Variants in STK32B observed in about 807,000 individuals in gnomAD.
STK32B encodes serine/threonine-protein kinase 32B.
Under a neutral mutation model 52.6 loss-of-function variants are expected in STK32B, and 43 were observed. The observed-to-expected ratio is 0.82, with a 90% CI of 0.64 to 1.05. STK32B has a LOEUF of 1.05. Among genes scored for constraint, STK32B ranks in the 50% least tolerant of loss-of-function variants. The probability of loss-of-function intolerance (pLI) is 0.00; values close to 1 mark genes in which losing one functional copy is unlikely to be tolerated. For synonymous variants in STK32B, 238 were observed against 204.3 expected (o/e 1.17, Z -1.41); for missense variants, 621 against 534.6 (o/e 1.16, Z -1.59).
At chr4:5,316,248 A>ATATAT (rs1730703317) in intron 3 of STK32B, among the ~76,000 whole-genome samples, 1 of 72,222 alleles carries the variant, frequency 1.4e-5, no homozygotes, top group East Asian at 3.5e-4. Flanking sequence ...TATATATTGT[A>ATATAT]TATATAATAT....
At chr4:5,317,533 T>TTATA (rs1438485553) in intron 3 of STK32B, among the ~76,000 whole-genome samples, 2 of 100,756 alleles carry the variant, frequency 2.0e-5, no homozygotes, top group Non-Finnish European at 3.4e-5. Flanking sequence ...TATATATATA[T>TTATA]TACATGTATA....
Position 5,398,037 on chromosome 4 carries a change from A to C in STK32B, c.435-170A>C, listed in dbSNP as rs1362536043. ...GAAAGAGAAGAGGCGATAAGAACAC[A>C]GGTGTCCCATTATCTTACCAATTAT... On this transcript the variant is annotated intron_variant, in intron 4 of 11. Coordinates refer to ENST00000282908, the MANE Select transcript of STK32B (RefSeq NM_018401.3). The surrounding 1 kb of genome is among the most constrained non-coding windows in gnomAD (Gnocchi z 4.9). 1.3e-5 allele frequency among the ~76,000 whole-genome samples: 2 copies of C among 152,266 alleles called. No homozygotes were observed.
At chr4:5,267,490 A>G (rs746775247) in intron 3 of STK32B, among the ~76,000 whole-genome samples, 10 of 152,126 alleles carry the variant, frequency 6.6e-5, no homozygotes, top group Non-Finnish European at 1.3e-4. Context: ...CTGAGTAACA[A>G]CAGCTCCCCT....
At chr4:5,406,166 TA>T (rs201364858) in intron 5 of STK32B, among the ~76,000 whole-genome samples, 2,849 of 152,228 alleles carry the variant, frequency 0.019, 95 homozygotes, top group African/African-American at 0.064. Flanking sequence ...GGGCAGTCAT[TA>T]AATCTTAAAG....
chr4:5,388,653 G>A (rs1263223177), intron 4 of STK32B, among the ~76,000 whole-genome samples: 1 of 152,202 alleles, frequency 6.6e-6, no homozygotes. Context: ...TCAATTTAGT[G>A]TTCTAGTTGG....
intron 4 of STK32B, among the ~76,000 whole-genome samples, chr4:5,379,863 A>G (rs921431326): frequency 6.6e-6 from 1 of 152,204 alleles, no homozygotes; most frequent in Non-Finnish European, 1.5e-5. Context: ...GTGTTTTGAT[A>G]TAGCAGCATT....
chr4:5,265,849 G>A (rs907910717), intron 3 of STK32B, among the ~76,000 whole-genome samples: 27 of 151,998 alleles, frequency 1.8e-4, no homozygotes, highest in African/African-American at 6.3e-4. Flanking sequence ...ATAGCATTGT[G>A]TTGATTTTAA....
At chr4:5,168,547 G>C in intron 3 of STK32B, 97 bp downstream of exon 3, 1 of 1,382,040 alleles carries the variant, frequency 7.2e-7, no homozygotes, top group South Asian at 1.6e-5. Context: ...ATTGTAAAGG[G>C]AAAGGGATGC....
At chr4:5,262,216 C>A (rs939325245) in intron 3 of STK32B, among the ~76,000 whole-genome samples, 1 of 152,150 alleles carries the variant, frequency 6.6e-6, no homozygotes, top group Non-Finnish European at 1.5e-5. Context: ...GGTCCCATTG[C>A]CTGTCTGGAG....
At chr4:5,073,665 G>A (rs1291351295) in intron 1 of STK32B, among the ~76,000 whole-genome samples, 1 of 151,944 alleles carries the variant, frequency 6.6e-6, no homozygotes, top group Non-Finnish European at 1.5e-5. Flanking sequence ...GTACAGGCCT[G>A]CTAGGAACAA....
chr4:5,278,421 C>T (rs112787243), intron 3 of STK32B, among the ~76,000 whole-genome samples: 4 of 152,016 alleles, frequency 2.6e-5, no homozygotes, highest in African/African-American at 9.7e-5. Context: ...GACCTTGGGC[C>T]CTTGTGAGAC....
chr4:5,195,240 A>G (rs186729265), intron 3 of STK32B, among the ~76,000 whole-genome samples: 1 of 152,128 alleles, frequency 6.6e-6, no homozygotes, highest in Non-Finnish European at 1.5e-5. Flanking sequence ...TTGATTTGCC[A>G]ATATATTCTT....
intron 1 of STK32B, among the ~76,000 whole-genome samples, chr4:5,057,238 C>T (rs1195003016): frequency 6.6e-6 from 1 of 152,162 alleles, no homozygotes. Flanking sequence ...GGAGACTATG[C>T]CTTGGATTTG....
At chr4:5,068,062 G>T (rs1188397521) in intron 1 of STK32B, among the ~76,000 whole-genome samples, 1 of 152,108 alleles carries the variant, frequency 6.6e-6, no homozygotes, top group Non-Finnish European at 1.5e-5. Flanking sequence ...CCATATCAAA[G>T]TGGATGAATT....
At chr4:5,370,162 A>T (rs1560359428) in intron 4 of STK32B, among the ~76,000 whole-genome samples, 1 of 151,710 alleles carries the variant, frequency 6.6e-6, no homozygotes, top group Non-Finnish European at 1.5e-5. Context: ...GGCGTGAGCC[A>T]CCACGCCCGA....
At chr4:5,101,892 A>G (rs2108794688) in intron 1 of STK32B, among the ~76,000 whole-genome samples, 1 of 152,294 alleles carries the variant, frequency 6.6e-6, no homozygotes, top group Non-Finnish European at 1.5e-5. Context: ...TTCAAGTAAG[A>G]CAGGCCTGAG....
chr4:5,328,768 G>A lies in STK32B; in HGVS notation c.261-2452G>A, dbSNP rs139227452. On this transcript the variant is annotated intron_variant, in intron 3 of 11. Coordinates refer to ENST00000282908, the MANE Select transcript of STK32B (RefSeq NM_018401.3). ...TAGACTTACTGGAGGCAGGGTTGCCGCAAACCTTCAATTTGTAAGAAAGTG... is the reference window on the plus strand; with the variant it reads ...TAGACTTACTGGAGGCAGGGTTGCCACAAACCTTCAATTTGTAAGAAAGTG... Among the ~76,000 whole-genome samples the A allele has an allele frequency of 6.7e-4, 102 of 152,250 alleles. 1 individual carries two copies. The South Asian group carries it at 8.9e-3, about 13-fold the overall frequency.
At chr4:5,401,759 A>G (rs1452188807) in intron 5 of STK32B, among the ~76,000 whole-genome samples, 3 of 152,362 alleles carry the variant, frequency 2.0e-5, no homozygotes, top group Middle Eastern at 3.4e-3. Flanking sequence ...AAGCAATTGT[A>G]TTGATTTTCT....
In STK32B at chr4:5,270,276, T is replaced by C. The variant is rs147486612; in HGVS notation, c.261-60944T>C. Among the ~76,000 whole-genome samples the C allele has an allele frequency of 1.0e-3, 153 of 152,110 alleles. 1 individual carries two copies. The highest frequency in any genetic ancestry group is 3.6e-3 in the African/African-American group (149 of 41,494). On this transcript the variant is annotated intron_variant, in intron 3 of 11. Transcript: ENST00000282908. ...TGAGGAGCAGGGAAGCCAGTTTGAG[T>C]CCCAAAGCTGAAGAACTTGGAGTCT... is the stretch of plus-strand genomic sequence containing the variant.
Sources: gnomAD v4.1 joint callset for allele counts (sites outside exome capture counted in the v4.1 genomes callset) on GRCh38, gnomAD v4.1.1 for gene constraint, Gnocchi (gnomAD v3.1) non-coding constraint, MANE v1.5 for transcripts, NCBI Gene and HGNC (gene_info 2026-07-23, HGNC 2026-07-21) for gene names.